The following STRN variants were observed in gnomAD, a reference collection of about 807,000 sequenced individuals.
STRN encodes striatin, also known as protein phosphatase 2 regulatory subunit B'''alpha.
In STRN, 53 loss-of-function variants were observed where a neutral mutation model predicts 96.3. That is an observed-to-expected ratio of 0.55 (90% confidence interval 0.44 to 0.69). STRN has a LOEUF of 0.69. Among genes scored for constraint, STRN ranks in the 30% least tolerant of loss-of-function variants. The probability of loss-of-function intolerance (pLI) is 0.00; values close to 1 mark genes in which losing one functional copy is unlikely to be tolerated. For missense variants in STRN, 987 were observed against 963.9 expected, an observed-to-expected ratio of 1.02 and a Z score of -0.32; for synonymous variants, 428 against 355.9, an observed-to-expected ratio of 1.20 and a Z score of -2.28.
intron 9 of STRN, 52 bp downstream of exon 9, chr2:36,883,880 A>T (rs900721882): frequency 2.0e-5 from 26 of 1,307,344 alleles, no homozygotes; most frequent in Non-Finnish European, 2.4e-5. Flanking sequence ...GAATGAATTT[A>T]AAGATATACA....
At chr2:36,954,081 T>C (rs149438758) in intron 1 of STRN, among the ~76,000 whole-genome samples, 108 of 152,136 alleles carry the variant, frequency 7.1e-4, no homozygotes, top group African/African-American at 2.4e-3. Context: ...AAATTAAAAA[T>C]AACCTAAAAA....
intron 4 of STRN, 32 bp downstream of exon 4, chr2:36,905,508 G>A (rs1236314696): frequency 6.3e-7 from 1 of 1,582,428 alleles, no homozygotes; most frequent in East Asian, 2.2e-5. Flanking sequence ...CTTGTCTTCA[G>A]CCATTTATAA....
At chr2:36,876,377 G>GA (rs1468473975) in intron 10 of STRN, among the ~76,000 whole-genome samples, 1 of 151,932 alleles carries the variant, frequency 6.6e-6, no homozygotes, top group Non-Finnish European at 1.5e-5. Flanking sequence ...CTCTGGCTAA[G>GA]AAAAAAATGG....
chr2:36,869,714 C>T lies in STRN; in HGVS notation c.1339G>A (p.Asp447Asn), dbSNP rs1668715317. 2 of 1,601,990 alleles carry T rather than the reference C, an allele frequency of 1.2e-6. No individual in the cohort carries two copies. The highest frequency in any genetic ancestry group is 1.7e-6 in the Non-Finnish European group (2 of 1,175,378). Residue 447 changes from aspartate to asparagine, a missense_variant, in exon 11 of 18, where the codon GAT becomes AAT. By Grantham distance (23) the Asp-to-Asn change is conservative (BLOSUM62 1). Transcript: ENST00000263918. ...GGGTTCCATGTCTTCCTCAATGCAT[C>T]TTTATTGTTTGCTATCTATTAAAGA... Reference protein sequence around the residue: ...SLTYDIANNKDALRKTWNPKF... With the variant: ...SLTYDIANNKNALRKTWNPKF...
Position 36,877,893 on chromosome 2 carries a change from C to T in STRN, c.1321G>A (p.Asp441Asn). The change falls in exon 10 of 18, where the codon GAT becomes AAT. Residue 441 changes from aspartate (D) to asparagine (N), a missense_variant and splice_region_variant. Asp to Asn is a conservative substitution (Grantham distance 23). Coordinates refer to ENST00000263918, the MANE Select transcript of STRN (RefSeq NM_003162.4). ...VANEADSLTY[D>N]IANNKDALRK... ...ACAAAAACAAAACTACTACTTACAT[C>T]ATAAGTTAGTGAGTCTGCTTCATTG... 6.2e-7 allele frequency: 1 copy of T among 1,613,676 alleles called. No individual in the cohort carries two copies. The highest frequency in any genetic ancestry group is 8.5e-7 in the Non-Finnish European group (1 of 1,179,900).
At chr2:36,944,407 A>C (rs1670927812) in intron 1 of STRN, among the ~76,000 whole-genome samples, 1 of 152,316 alleles carries the variant, frequency 6.6e-6, no homozygotes, top group Admixed American at 6.5e-5. Flanking sequence ...TAAACAATTG[A>C]AGTTTTTGCG....
intron 1 of STRN, among the ~76,000 whole-genome samples, chr2:36,951,821 G>A (rs553350947): frequency 6.6e-6 from 1 of 152,306 alleles, no homozygotes; most frequent in African/African-American, 2.4e-5. Context: ...TGACCGATAT[G>A]GGTCCATGGC....
chr2:36,965,164 G>T (rs1665128419), intron 1 of STRN, among the ~76,000 whole-genome samples: 1 of 152,094 alleles, frequency 6.6e-6, no homozygotes, highest in African/African-American at 2.4e-5. Flanking sequence ...GACACACTGG[G>T]TAGCATTTTA....
At chr2:36,962,531 C>CTT (rs57756016) in intron 1 of STRN, among the ~76,000 whole-genome samples, 17 of 148,222 alleles carry the variant, frequency 1.1e-4, no homozygotes, top group South Asian at 2.1e-4. Context: ...CTTCACTATT[C>CTT]TTTTTTTTTT....
At chr2:36,941,343 A>G (rs1670840214) in intron 1 of STRN, among the ~76,000 whole-genome samples, 1 of 152,190 alleles carries the variant, frequency 6.6e-6, no homozygotes, top group African/African-American at 2.4e-5. Flanking sequence ...TGCGCCTTGG[A>G]AAATACAACC....
At chr2:36,911,255 G>T (rs1669958927) in intron 3 of STRN, among the ~76,000 whole-genome samples, 1 of 152,152 alleles carries the variant, frequency 6.6e-6, no homozygotes, top group African/African-American at 2.4e-5. Flanking sequence ...ACCCTCTCTA[G>T]CTGTCATATC....
At chr2:36,952,015 T>C (rs1056530590) in intron 1 of STRN, among the ~76,000 whole-genome samples, 5 of 152,186 alleles carry the variant, frequency 3.3e-5, no homozygotes, top group Non-Finnish European at 7.3e-5. Flanking sequence ...CGCCTGATGA[T>C]GTGAGGTGGA....
chr2:36,908,895 C>G lies in STRN; in HGVS notation c.413-3277G>C, dbSNP rs567963264. Among the ~76,000 whole-genome samples, 3 of 151,970 alleles carry G rather than the reference C, an allele frequency of 2.0e-5. No homozygotes were observed. The East Asian group carries it at 5.8e-4, about 29-fold the overall frequency. ...ACTCAGGAGGCTGAGGCAGGAGAAT[C>G]ACATGAACCTGGGAGGCAGAGGTTG... On this transcript the variant is annotated intron_variant, in intron 3 of 17. Transcript: ENST00000263918.
chr2:36,877,998 CAGA>C lies in STRN; in HGVS notation c.1213_1215del (p.Ser405del), dbSNP rs755625860. 2.0e-5 allele frequency: 32 copies of C among 1,613,942 alleles called. No individual in the cohort carries two copies. The highest frequency in any genetic ancestry group is 1.5e-4 in the African/African-American group (11 of 74,898). The stretch of plus-strand genomic sequence containing the variant: ...TCTGCTCCCATGATGAATGACTTTC[CAGA>C]AGAAGGAGGAAATGTCAATGCTTCC... On this transcript the variant is annotated inframe_deletion, in exon 10 of 18. Transcript: ENST00000263918.
At chr2:36,872,221 T>G (rs1668779529) in intron 10 of STRN, among the ~76,000 whole-genome samples, 1 of 152,226 alleles carries the variant, frequency 6.6e-6, no homozygotes, top group East Asian at 1.9e-4. Context: ...TCTTCCATCT[T>G]GGGTATTCTT....
chr2:36,954,041 T>A (rs1664821891), intron 1 of STRN, among the ~76,000 whole-genome samples: 1 of 151,924 alleles, frequency 6.6e-6, no homozygotes, highest in African/African-American at 2.4e-5. Flanking sequence ...AAACTAAAAA[T>A]CAAATTTTTA....
chr2:36,882,045 T>A (rs1669085577), intron 9 of STRN, among the ~76,000 whole-genome samples: 1 of 152,230 alleles, frequency 6.6e-6, no homozygotes, highest in Non-Finnish European at 1.5e-5. Context: ...GTATGGGTAA[T>A]AAATTCCAAG....
chr2:36,927,534 G>GT (rs1052585877), intron 1 of STRN, among the ~76,000 whole-genome samples: 3 of 143,596 alleles, frequency 2.1e-5, no homozygotes, highest in African/African-American at 5.1e-5. Context: ...AGGGGGGGGG[G>GT]GGTGGTAATC....
chr2:36,907,589 G>A (rs1179135400), intron 3 of STRN, among the ~76,000 whole-genome samples: 1 of 152,054 alleles, frequency 6.6e-6, no homozygotes, highest in Non-Finnish European at 1.5e-5. Flanking sequence ...TACATACTGT[G>A]TTAAAAACAC....
Sources: allele counts gnomAD v4.1 joint callset (sites outside exome capture counted in the v4.1 genomes callset), GRCh38; gene constraint gnomAD v4.1.1; transcripts MANE v1.5; gene names NCBI Gene and HGNC (gene_info 2026-07-23, HGNC 2026-07-21).